Variants in ABLIM1 observed in about 807,000 individuals in gnomAD.
ABLIM1 encodes actin binding LIM protein 1.
In ABLIM1, 40 loss-of-function variants were observed where a neutral mutation model predicts 107.0. The observed-to-expected ratio is 0.37, with a 90% CI of 0.29 to 0.49. ABLIM1 has a LOEUF of 0.49. ABLIM1 is among the 20% of genes least tolerant of loss of function. The probability of loss-of-function intolerance (pLI) is 0.97; values close to 1 mark genes in which losing one functional copy is unlikely to be tolerated. For missense variants in ABLIM1, 857 were observed against 1,008.5 expected, an observed-to-expected ratio of 0.85 and a Z score of 2.04; for synonymous variants, 357 against 357.3, an observed-to-expected ratio of 1.00 and a Z score of 0.01.
intron 6 of ABLIM1, 47 bp downstream of exon 6, chr10:114,544,958 G>T (rs747448115): frequency 6.4e-7 from 1 of 1,567,640 alleles, no homozygotes; most frequent in Non-Finnish European, 8.8e-7. Flanking sequence ...TCTGAGGGCC[G>T]CTGAGAAAGA....
the ABLIM1 span, among the ~76,000 whole-genome samples, chr10:114,782,449 A>G: frequency 6.6e-6 from 1 of 152,162 alleles, no homozygotes; most frequent in African/African-American, 2.4e-5. Flanking sequence ...GTGTACATTC[A>G]AAAGCTATAC....
chr10:114,547,610 G>A (rs200980107), intron 5 of ABLIM1, 40 bp downstream of exon 5: 2 of 1,610,376 alleles, frequency 1.2e-6, no homozygotes, highest in Non-Finnish European at 8.5e-7. Context: ...ACAACGCCCG[G>A]TGCCCACTGA....
intron 1 of ABLIM1, among the ~76,000 whole-genome samples, chr10:114,702,189 A>C (rs933950596): frequency 6.6e-6 from 1 of 152,226 alleles, no homozygotes; most frequent in Non-Finnish European, 1.5e-5. Context: ...ATAAGATTTC[A>C]GTTGTCTATT....
At chr10:114,773,832 T>G in the ABLIM1 span, among the ~76,000 whole-genome samples, 1 of 151,106 alleles carries the variant, frequency 6.6e-6, no homozygotes, top group African/African-American at 2.4e-5. Context: ...CTAATAAAAT[T>G]TCTGTATCAT....
intron 1 of ABLIM1, among the ~76,000 whole-genome samples, chr10:114,666,472 G>A (rs2080028778): frequency 1.3e-5 from 2 of 152,070 alleles, no homozygotes; most frequent in Admixed American, 1.3e-4. Context: ...CCAGAGGTAA[G>A]TACTAAATTT....
At chr10:114,552,003 TAGG>T (rs1437035313) in intron 4 of ABLIM1, among the ~76,000 whole-genome samples, 1 of 152,136 alleles carries the variant, frequency 6.6e-6, no homozygotes, top group East Asian at 1.9e-4. Flanking sequence ...AGGCTAAGGT[TAGG>T]CCTCCTTCCT....
At chr10:114,548,359 A>G (rs971584772) in intron 4 of ABLIM1, among the ~76,000 whole-genome samples, 4 of 152,180 alleles carry the variant, frequency 2.6e-5, no homozygotes, top group African/African-American at 9.7e-5. Context: ...TGGAAGGACA[A>G]TAAAGGAGAA....
intron 1 of ABLIM1, among the ~76,000 whole-genome samples, chr10:114,695,753 T>C (rs926666036): frequency 6.6e-6 from 1 of 152,250 alleles, no homozygotes; most frequent in Non-Finnish European, 1.5e-5. Context: ...ATTTTATTTC[T>C]GTTGGAAATA....
chr10:114,757,884 A>G (rs1201663767), intron 1 of ABLIM1, among the ~76,000 whole-genome samples: 1 of 151,914 alleles, frequency 6.6e-6, no homozygotes, highest in Non-Finnish European at 1.5e-5. Context: ...CCTTCCCCCA[A>G]CTACCTCTCT....
At chr10:114,524,375 T>C (rs1291243311) in intron 6 of ABLIM1, among the ~76,000 whole-genome samples, 1 of 152,224 alleles carries the variant, frequency 6.6e-6, no homozygotes. Flanking sequence ...ACTTCATCGT[T>C]ATCTGTAAAT....
At chr10:114,494,739 A>G (rs1565603747) in intron 6 of ABLIM1, among the ~76,000 whole-genome samples, 1 of 152,246 alleles carries the variant, frequency 6.6e-6, no homozygotes, top group Non-Finnish European at 1.5e-5. Context: ...ATAACCACAT[A>G]AGCTAGTGGC....
At chr10:114,797,614 T>TTA in the ABLIM1 span, among the ~76,000 whole-genome samples, 3 of 152,204 alleles carry the variant, frequency 2.0e-5, no homozygotes, top group African/African-American at 7.2e-5. Context: ...AATCCCTTCC[T>TTA]TATTTTATTC....
chr10:114,783,753 A>G, the ABLIM1 span, among the ~76,000 whole-genome samples: 1 of 151,992 alleles, frequency 6.6e-6, no homozygotes, highest in Non-Finnish European at 1.5e-5. Context: ...GCATTTGCTG[A>G]TTTTTGTGGT....
intron 7 of ABLIM1, among the ~76,000 whole-genome samples, chr10:114,490,847 T>C (rs901844535): frequency 2.7e-4 from 41 of 150,636 alleles, no homozygotes; most frequent in Non-Finnish European, 5.5e-4. Context: ...TTCTTCCTTT[T>C]TGTGGAGAAC....
chr10:114,473,962 A>G lies in ABLIM1; in HGVS notation c.1042-6T>C, dbSNP rs1565462359. On this transcript the variant is annotated splice_polypyrimidine_tract_variant and splice_region_variant and intron_variant, in intron 8 of 22. Coordinates refer to ENST00000533213, the MANE Select transcript of ABLIM1 (RefSeq NM_002313.7). ...TCCGAGGATGTCCTGGTAGGCTGTA[A>G]AATAAACAGTGACTTGTAAGACTTC... The G allele has an allele frequency of 6.2e-7, 1 of 1,611,938 alleles. No homozygotes were observed. The highest frequency in any genetic ancestry group is 8.5e-7 in the Non-Finnish European group (1 of 1,178,314).
At chr10:114,616,757 C>T (rs1001848894) in intron 1 of ABLIM1, among the ~76,000 whole-genome samples, 3 of 152,084 alleles carry the variant, frequency 2.0e-5, no homozygotes, top group African/African-American at 7.2e-5. Flanking sequence ...TTTACTCAGT[C>T]GAAAGGAATG....
intron 1 of ABLIM1, among the ~76,000 whole-genome samples, chr10:114,737,926 A>G (rs1192870049): frequency 6.6e-6 from 1 of 152,146 alleles, no homozygotes; most frequent in African/African-American, 2.4e-5. Flanking sequence ...ATGGATGTTC[A>G]CTCTACTACT....
At chr10:114,778,607 ACACACATAC>A in the ABLIM1 span, 13 of 144,314 alleles carry the variant, frequency 9.0e-5, no homozygotes, top group African/African-American at 3.5e-4. Context: ...ACACACACAC[ACACACATAC>A]ATTTTAACAA....
chr10:114,616,225 G>A (rs1457170815), intron 1 of ABLIM1, among the ~76,000 whole-genome samples: 2 of 152,144 alleles, frequency 1.3e-5, no homozygotes, highest in Admixed American at 6.5e-5. Flanking sequence ...AATGCATGAT[G>A]GTAATTGCCT....
Sources: gnomAD v4.1 joint callset for allele counts (sites outside exome capture counted in the v4.1 genomes callset) on GRCh38, gnomAD v4.1.1 for gene constraint, MANE v1.5 for transcripts, NCBI Gene and HGNC (gene_info 2026-07-23, HGNC 2026-07-21) for gene names.